Variants in GRIK3 observed in about 807,000 individuals in gnomAD.
GRIK3 encodes glutamate ionotropic receptor kainate type subunit 3.
A neutral mutation model predicts 102.5 loss-of-function variants in GRIK3; 29 were observed. The ratio of observed to expected loss-of-function variants is 0.28; its 90% CI spans 0.21 to 0.39. GRIK3 has a LOEUF of 0.39. Among genes scored for constraint, GRIK3 ranks in the 10% least tolerant of loss-of-function variants. GRIK3 has a pLI of 1.00. For missense variants in GRIK3, 908 were observed against 1,252.4 expected (o/e 0.73, Z 4.15); for synonymous variants, 511 against 504.9 (o/e 1.01, Z -0.16).
intron 1 of GRIK3, among the ~76,000 whole-genome samples, chr1:36,979,336 G>A (rs1047439527): frequency 2.0e-5 from 3 of 152,264 alleles, no homozygotes; most frequent in African/African-American, 7.2e-5. Context: ...TTGGGGATTG[G>A]TGTCCAGTTC....
chr1:36,991,115 C>T (rs961964093), intron 1 of GRIK3, among the ~76,000 whole-genome samples: 1 of 152,146 alleles, frequency 6.6e-6, no homozygotes, highest in Non-Finnish European at 1.5e-5. Context: ...GCTGTGTGAC[C>T]TCAGGCAAAT....
At chr1:36,985,072 G>A (rs115323160) in intron 1 of GRIK3, among the ~76,000 whole-genome samples, 246 of 152,270 alleles carry the variant, frequency 1.6e-3, no homozygotes, top group African/African-American at 5.1e-3. Flanking sequence ...ACCCTAAAAC[G>A]GGATCATCCC....
intron 1 of GRIK3, among the ~76,000 whole-genome samples, chr1:36,947,036 G>C (rs1641792036): frequency 1.3e-5 from 2 of 152,142 alleles, no homozygotes; most frequent in Non-Finnish European, 2.9e-5. Context: ...TAAGATTGTA[G>C]CAGGAGGTGC....
rs550022603 is a variant in GRIK3, at chr1:36,932,102, C to A, written c.116-41006G>T. ...TTGTGGCTTCCTTGAGGGGCAACAT[C>A]CCACAGATCTGCTGGCCTCTCCGCT... On this transcript the variant is annotated intron_variant, in intron 1 of 15. Coordinates refer to ENST00000373091, the MANE Select transcript of GRIK3 (RefSeq NM_000831.4). Among the ~76,000 whole-genome samples, 4 of 152,248 alleles carry A rather than the reference C, an allele frequency of 2.6e-5. No homozygotes were observed. In the East Asian group the frequency reaches 7.7e-4, roughly 29 times the overall value.
chr1:36,896,784 G>T (rs947466852), intron 1 of GRIK3, among the ~76,000 whole-genome samples: 1 of 152,028 alleles, frequency 6.6e-6, no homozygotes, highest in Non-Finnish European at 1.5e-5. Flanking sequence ...AACTATACAG[G>T]TGCACATAAA....
chr1:37,006,992 G>A (rs539991623), intron 1 of GRIK3, among the ~76,000 whole-genome samples: 3 of 152,324 alleles, frequency 2.0e-5, no homozygotes, highest in African/African-American at 7.2e-5. Context: ...TCCATGGCCC[G>A]AGTCCAGCAG....
At chr1:36,839,125 C>T (rs1266018813) in intron 10 of GRIK3, among the ~76,000 whole-genome samples, 1 of 152,074 alleles carries the variant, frequency 6.6e-6, no homozygotes, top group Admixed American at 6.5e-5. Context: ...TGAGGGTGGC[C>T]CAGCCCTGCT....
At chr1:36,969,674 TAG>T (rs1642121119) in intron 1 of GRIK3, among the ~76,000 whole-genome samples, 2 of 152,218 alleles carry the variant, frequency 1.3e-5, no homozygotes, top group African/African-American at 4.8e-5. Context: ...GGCTTCATTG[TAG>T]AGAGGACACT....
chr1:36,986,517 G>A (rs1308474032), intron 1 of GRIK3, among the ~76,000 whole-genome samples: 1 of 150,730 alleles, frequency 6.6e-6, no homozygotes, highest in Non-Finnish European at 1.5e-5. Context: ...CATTAATTAA[G>A]GTCATGTTCC....
In GRIK3 at chr1:36,963,299, C is replaced by T. The variant is rs1361577787; in HGVS notation, c.115+70695G>A. Reference sequence around the variant, plus strand: ...CGGCGGTAGCAGGCAATAGAGAAAACAGCTCTGGGAATAAACAAACCCCCC... The same window carrying T: ...CGGCGGTAGCAGGCAATAGAGAAAATAGCTCTGGGAATAAACAAACCCCCC... On this transcript the variant is annotated intron_variant, in intron 1 of 15. Transcript: ENST00000373091. Among the ~76,000 whole-genome samples, 4 of 152,134 alleles carry T rather than the reference C, an allele frequency of 2.6e-5. No individual in the cohort carries two copies. The East Asian group carries it at 7.7e-4, about 29-fold the overall frequency.
intron 10 of GRIK3, among the ~76,000 whole-genome samples, chr1:36,838,402 C>T (rs545112929): frequency 1.4e-3 from 208 of 152,276 alleles, no homozygotes; most frequent in Non-Finnish European, 2.1e-3. Flanking sequence ...GACAAGTAGG[C>T]AGTAAATATA....
chr1:36,896,432 T>C (rs947451947), intron 1 of GRIK3, among the ~76,000 whole-genome samples: 10 of 152,256 alleles, frequency 6.6e-5, no homozygotes, highest in Admixed American at 2.0e-4. Context: ...CAGTATAACA[T>C]TATTTGAGAA....
intron 1 of GRIK3, among the ~76,000 whole-genome samples, chr1:36,894,349 T>C (rs1418887517): frequency 2.6e-5 from 4 of 152,386 alleles, no homozygotes; most frequent in African/African-American, 7.2e-5. Context: ...TCTTTATTGC[T>C]AAATAATATT....
chr1:36,868,069 C>G (rs1640805000), intron 5 of GRIK3, among the ~76,000 whole-genome samples: 1 of 152,142 alleles, frequency 6.6e-6, no homozygotes, highest in Non-Finnish European at 1.5e-5. Flanking sequence ...AAGAGAGGAT[C>G]CTAGTGTCCC....
intron 9 of GRIK3, 61 bp from the exon 10 acceptor site, chr1:36,842,000 G>T: frequency 7.4e-7 from 1 of 1,343,350 alleles, no homozygotes; most frequent in Non-Finnish European, 1.1e-6. Flanking sequence ...AGGCAGGCTT[G>T]CACTGGAGAG....
At chr1:36,807,164 G>A (rs1642510726) in intron 13 of GRIK3, among the ~76,000 whole-genome samples, 1 of 152,138 alleles carries the variant, frequency 6.6e-6, no homozygotes, top group South Asian at 2.1e-4. Context: ...TGCTTGAGCA[G>A]AATCAGAATC....
intron 1 of GRIK3, among the ~76,000 whole-genome samples, chr1:36,935,867 T>C (rs990693582): frequency 2.0e-5 from 3 of 152,192 alleles, no homozygotes; most frequent in African/African-American, 4.8e-5. Flanking sequence ...TCTAAACCAA[T>C]TAATCGCAAA....
At chr1:36,983,044 A>T (rs1642266535) in intron 1 of GRIK3, among the ~76,000 whole-genome samples, 1 of 152,148 alleles carries the variant, frequency 6.6e-6, no homozygotes, top group Non-Finnish European at 1.5e-5. Flanking sequence ...CTTATTGCAC[A>T]CACATGGGCT....
intron 1 of GRIK3, among the ~76,000 whole-genome samples, chr1:36,989,103 A>C: frequency 6.6e-6 from 1 of 150,726 alleles, no homozygotes; most frequent in East Asian, 2.0e-4. Flanking sequence ...CTCACGCCCC[A>C]CTCCCCTCCC....
Sources: allele counts gnomAD v4.1 joint callset (sites outside exome capture counted in the v4.1 genomes callset), GRCh38; gene constraint gnomAD v4.1.1; transcripts MANE v1.5; gene names NCBI Gene and HGNC (gene_info 2026-07-23, HGNC 2026-07-21).